The following CGNL1 variants were observed in gnomAD, a reference collection of about 807,000 sequenced individuals.
The protein encoded by CGNL1 is cingulin-like protein 1.
A neutral mutation model predicts 141.2 loss-of-function variants in CGNL1; 132 were observed. The ratio of observed to expected loss-of-function variants is 0.93; its 90% CI spans 0.81 to 1.08. CGNL1 has a LOEUF of 1.08. CGNL1 is among the 50% of genes least tolerant of loss of function. CGNL1 has a pLI of 0.00. For missense variants in CGNL1, 1,870 were observed against 1,588.6 expected (o/e 1.18, Z -3.01); for synonymous variants, 690 against 622.1 (o/e 1.11, Z -1.63).
rs745941074 is a variant in CGNL1 at position 57,453,693 on chromosome 15, G to A, written c.2065G>A (p.Val689Met). 6.2e-6 allele frequency: 10 copies of A among 1,613,714 alleles called. No individual in the cohort carries two copies. The Admixed American group carries it at 1.2e-4, about 19-fold the overall frequency. ...TTCCTTCCCTGCCAGGCTATTCCAG[G>A]TGAAGATGGAACGGGAGCAGCATCA... ...LRKNLEELFQ[V>M]KMEREQHQTE... Residue 689 changes from valine to methionine, a missense_variant, in exon 7 of 19, where the codon GTG (valine) becomes ATG (methionine). Physicochemically the swap from Val to Met is conservative, Grantham distance 21 (BLOSUM62 1). Transcript: ENST00000281282.
chr15:57,518,469 C>T lies in CGNL1; in HGVS notation c.2687C>T (p.Ala896Val). 6.2e-7 allele frequency: 1 copy of T among 1,611,590 alleles called. No homozygotes were observed. The highest frequency in any genetic ancestry group is 2.2e-5 in the East Asian group (1 of 44,832). Residue 896 changes from alanine to valine, a missense_variant, in exon 10 of 19, where the codon GCC becomes GTC. Ala to Val is a moderately conservative substitution (Grantham distance 64). Transcript: ENST00000281282. ...EEKEAVSARR[A>V]LENELEAAQG... The stretch of plus-strand genomic sequence containing the variant: ...AAAGAAGCTGTGTCAGCCAGAAGGG[C>T]CCTGGAGAATGAACTGGAGGCTGCT...
chr15:57,417,329 G>T (rs763110155), intron 1 of CGNL1, among the ~76,000 whole-genome samples: 1 of 152,158 alleles, frequency 6.6e-6, no homozygotes, highest in Non-Finnish European at 1.5e-5. Context: ...CATCTCCTGG[G>T]TTCAAGCAAT....
chr15:57,524,640 T>G lies in CGNL1; in HGVS notation c.2928T>G (p.Asp976Glu), dbSNP rs772323599. ...TSTLELQNQL[D>E]EYKEKNRREL... Reference sequence around the variant, plus strand: ...CCCTGGAGCTCCAGAACCAGCTGGATGAGTATAAGGAGAAAAACCGCAGGG... The same window carrying G: ...CCCTGGAGCTCCAGAACCAGCTGGAGGAGTATAAGGAGAAAAACCGCAGGG... Residue 976 changes from aspartate to glutamate, a missense_variant, in exon 12 of 19, where the codon GAT becomes GAG. By Grantham distance (45) the Asp-to-Glu change is conservative. Coordinates refer to ENST00000281282, the MANE Select transcript of CGNL1 (RefSeq NM_032866.5). The G allele has an allele frequency of 6.2e-7, 1 of 1,613,858 alleles. No homozygotes were observed. Among genetic ancestry groups the G allele is most frequent in the South Asian group, 1.1e-5 (1 of 91,062 alleles).
chr15:57,426,470 A>G (rs2062975842), intron 1 of CGNL1, among the ~76,000 whole-genome samples: 2 of 145,494 alleles, frequency 1.4e-5, no homozygotes. Context: ...TTTTAAAGAC[A>G]GGTTCTCTCT....
At chr15:57,487,108 T>C (rs1445243819) in intron 8 of CGNL1, among the ~76,000 whole-genome samples, 1 of 152,182 alleles carries the variant, frequency 6.6e-6, no homozygotes, top group African/African-American at 2.4e-5. Context: ...CACACTAAAC[T>C]CTAATTGCCC....
chr15:57,523,441 C>G (rs759004462), intron 10 of CGNL1, 48 bp from the exon 11 acceptor site: 3 of 1,600,328 alleles, frequency 1.9e-6, no homozygotes, highest in Non-Finnish European at 2.6e-6. Context: ...GTTCCTGTGG[C>G]TACCTGGTTA....
intron 8 of CGNL1, among the ~76,000 whole-genome samples, chr15:57,516,161 A>G (rs76338255): frequency 9.6e-6 from 1 of 103,762 alleles, no homozygotes; most frequent in Non-Finnish European, 1.9e-5. Flanking sequence ...TCTGTCTCAA[A>G]AAAAAAAAAA....
intron 8 of CGNL1, among the ~76,000 whole-genome samples, chr15:57,514,985 C>A (rs1712008373): frequency 1.3e-5 from 2 of 152,082 alleles, no homozygotes; most frequent in Non-Finnish European, 2.9e-5. Flanking sequence ...CCAGTACTGC[C>A]CTGTCTTGAT....
chr15:57,480,854 C>G (rs2063716225), intron 8 of CGNL1, among the ~76,000 whole-genome samples: 1 of 152,208 alleles, frequency 6.6e-6, no homozygotes, highest in Admixed American at 6.5e-5. Flanking sequence ...CTGGAACCTT[C>G]TTACTCTCAC....
chr15:57,523,203 T>C (rs2031383003), intron 10 of CGNL1, among the ~76,000 whole-genome samples: 1 of 152,216 alleles, frequency 6.6e-6, no homozygotes, highest in African/African-American at 2.4e-5. Context: ...CCATCCTGAA[T>C]TCCCACCACC....
intron 7 of CGNL1, among the ~76,000 whole-genome samples, chr15:57,458,189 A>G (rs1193231886): frequency 1.3e-5 from 2 of 152,182 alleles, no homozygotes; most frequent in Non-Finnish European, 1.5e-5. Flanking sequence ...CCACTCCCAG[A>G]CAGCCAGTTT....
rs2033013431 is a variant in CGNL1, at chr15:57,549,346, C to G, written c.*1856C>G. On this transcript the variant is annotated 3_prime_UTR_variant, in exon 19 of 19. Coordinates refer to ENST00000281282, the MANE Select transcript of CGNL1 (RefSeq NM_032866.5). The stretch of plus-strand genomic sequence containing the variant: ...CAGCTGCTTCAGCAGTGTCCCCAAC[C>G]ATCCCAATAGGGTGGGGGCCTGTGG... 1 of 152,238 alleles carries G rather than the reference C, an allele frequency of 6.6e-6. No homozygotes were observed. The highest frequency in any genetic ancestry group is 2.4e-5 in the African/African-American group (1 of 41,442). The allele number at this position is 152,238 out of a possible 1,614,324, so 9.4% of individuals were successfully genotyped here.
At chr15:57,496,379 GGGACCA>G (rs2063938059) in intron 8 of CGNL1, among the ~76,000 whole-genome samples, 1 of 152,136 alleles carries the variant, frequency 6.6e-6, no homozygotes, top group Non-Finnish European at 1.5e-5. Flanking sequence ...TGACCTGTTA[GGGACCA>G]GGAACACAAA....
chr15:57,531,774 G>A lies in CGNL1; in HGVS notation c.3286G>A (p.Glu1096Lys), dbSNP rs770839772. Residue 1096 changes from glutamate (E) to lysine (K), a missense_variant, in exon 14 of 19, where the codon GAA (glutamate) becomes AAA (lysine). Transcript: ENST00000281282. ...GTCTGAGAGGATCAGTAGGAGCAGG[G>A]AACAGGTACTATTCTATAGGTGAAT... ...LLSERISRSR[E>K]QMEQLRNELL... The A allele has an allele frequency of 2.5e-6, 4 of 1,593,330 alleles. No individual in the cohort carries two copies. The highest frequency in any genetic ancestry group is 1.3e-5 in the African/African-American group (1 of 74,598).
chr15:57,500,875 G>A (rs1185685594), intron 8 of CGNL1, among the ~76,000 whole-genome samples: 3 of 152,190 alleles, frequency 2.0e-5, no homozygotes, highest in African/African-American at 4.8e-5. Context: ...GTGTTTGGAA[G>A]TTGAAGGAAT....
Position 57,419,041 on chromosome 15 carries a change from C to T in CGNL1, c.-15-18944C>T, listed in dbSNP as rs184876629. Among the ~76,000 whole-genome samples, 9 of 152,164 alleles carry T rather than the reference C, an allele frequency of 5.9e-5. No homozygotes were observed. The East Asian group carries it at 1.7e-3, about 29-fold the overall frequency. ...CTCCCGGATTCAAGCAATTCTCCTT[C>T]CTGCCTCAGCCTCCTGAGTAACTGG... On this transcript the variant is annotated intron_variant, in intron 1 of 18. Coordinates refer to ENST00000281282, the MANE Select transcript of CGNL1 (RefSeq NM_032866.5).
At chr15:57,537,350 C>T (rs1441386209) in intron 14 of CGNL1, among the ~76,000 whole-genome samples, 7 of 152,140 alleles carry the variant, frequency 4.6e-5, no homozygotes, top group African/African-American at 1.7e-4. Context: ...TCGGGAACTG[C>T]TCCTCAGTCA....
intron 8 of CGNL1, among the ~76,000 whole-genome samples, chr15:57,503,171 G>A (rs1379619472): frequency 6.6e-6 from 1 of 152,202 alleles, no homozygotes; most frequent in East Asian, 1.9e-4. Flanking sequence ...GCCAGGCGGG[G>A]GCTGCCAGGC....
chr15:57,520,988 A>G (rs1342337259), intron 10 of CGNL1, among the ~76,000 whole-genome samples: 1 of 152,046 alleles, frequency 6.6e-6, no homozygotes, highest in Non-Finnish European at 1.5e-5. Flanking sequence ...AAGGACACTC[A>G]CCCTACATCT....
Sources: allele counts gnomAD v4.1 joint callset (sites outside exome capture counted in the v4.1 genomes callset), GRCh38; gene constraint gnomAD v4.1.1; transcripts MANE v1.5; gene names NCBI Gene and HGNC (gene_info 2026-07-23, HGNC 2026-07-21).